APTX: variants seen among roughly 807,000 people sequenced by gnomAD.
The protein encoded by APTX is forkhead-associated domain histidine triad-like protein.
APTX carries 33 observed loss-of-function variants against 42.3 expected under a neutral mutation model. The ratio of observed to expected loss-of-function variants is 0.78; its 90% confidence interval spans 0.59 to 1.04. The LOEUF (loss-of-function observed/expected upper bound fraction) is 1.04, where lower values mean the gene tolerates loss of function less well. Among genes scored for constraint, APTX ranks in the 50% least tolerant of loss-of-function variants. APTX has a pLI of 0.00. For synonymous variants in APTX, 130 were observed against 146.7 expected (o/e 0.89, Z 0.82); for missense variants, 421 against 415.1 (o/e 1.01, Z -0.12).
chr9:33,001,503 G>A (rs1836490176), intron 1 of APTX, 64 bp downstream of exon 1: 1 of 1,610,832 alleles, frequency 6.2e-7, no homozygotes, highest in Non-Finnish European at 8.5e-7. Flanking sequence ...AGCAGCCTCG[G>A]CCGAACGCTC....
At position 32,987,602 on chromosome 9, in the gene APTX, C is replaced by A; in HGVS notation, c.425G>T (p.Ser142Ile). 1 of 1,614,184 alleles carries A rather than the reference C, an allele frequency of 6.2e-7. No individual in the cohort carries two copies. Among genetic ancestry groups the A allele is most frequent in the Non-Finnish European group, 8.5e-7 (1 of 1,180,030 alleles). The change falls in exon 4 of 8, where the codon AGC becomes ATC. Residue 142 changes from serine (S) to isoleucine (I), a missense_variant. Ser to Ile is a moderately radical substitution (Grantham distance 142, BLOSUM62 -2). Transcript: ENST00000379817. ...GGGCACAGAGCATTGGCCAGAGTTG[C>A]TCCCAGGTTCCAGCCCTGTCCCAGC... Reference protein sequence around the residue: ...AEAGTGLEPGSNSGQCSVPLK... With the variant: ...AEAGTGLEPGINSGQCSVPLK...
In APTX at chr9:32,987,541, C is replaced by T. The variant is rs1203729527; in HGVS notation, c.483+3G>A. On this transcript the variant is annotated splice_donor_region_variant and intron_variant, in intron 4 of 7. Transcript: ENST00000379817. ...CATCATCTACCAATCACACTACCCT[C>T]ACCTTTTTGATAGGTGCATCTTTTC... 1 of 1,613,620 alleles carries T rather than the reference C, an allele frequency of 6.2e-7. No homozygotes were observed. Among genetic ancestry groups the T allele is most frequent in the Admixed American group, 1.7e-5 (1 of 60,018 alleles).
At position 32,973,303 on chromosome 9, in the gene APTX, T is replaced by C. The variant is rs1247527334; in HGVS notation, c.*195A>G. ...CCACCCTCACCAGAGAATACATCTATGACAAACCCAAATTCCTAATCCTGA... is the reference window on the plus strand; with the variant it reads ...CCACCCTCACCAGAGAATACATCTACGACAAACCCAAATTCCTAATCCTGA... On this transcript the variant is annotated 3_prime_UTR_variant, in exon 8 of 8. Transcript: ENST00000379817. 7.0e-6 allele frequency: 5 copies of C among 713,406 alleles called. No individual in the cohort carries two copies. Among genetic ancestry groups the C allele is most frequent in the East Asian group, 2.8e-5 (1 of 35,190 alleles). The allele number at this position is 713,406 out of a possible 1,614,324, so 44.2% of individuals were successfully genotyped here. A position where few individuals can be genotyped will look rare whatever the true frequency, so the allele number is the denominator to read the frequency against.
intron 6 of APTX, among the ~76,000 whole-genome samples, chr9:32,981,574 C>A (rs1320480596): frequency 6.6e-6 from 1 of 152,136 alleles, no homozygotes; most frequent in Non-Finnish European, 1.5e-5. Flanking sequence ...AGAAGTGGTT[C>A]ATTCCAGATA....
chr9:32,983,632 T>A (rs1831212281), intron 6 of APTX, among the ~76,000 whole-genome samples: 1 of 152,054 alleles, frequency 6.6e-6, no homozygotes, highest in Admixed American at 6.6e-5. Context: ...AATGTGAGTG[T>A]TGGTAGTTAA....
chr9:32,985,883 A>G, intron 5 of APTX, 88 bp downstream of exon 5: 1 of 1,201,936 alleles, frequency 8.3e-7, no homozygotes, highest in South Asian at 1.2e-5. Context: ...AAAGACTGAT[A>G]TCCTTTGATT....
chr9:33,023,679 T>C (rs922297915), intron 1 of APTX, among the ~76,000 whole-genome samples: 1 of 152,188 alleles, frequency 6.6e-6, no homozygotes, highest in Non-Finnish European at 1.5e-5. Flanking sequence ...TGTCAGCCAA[T>C]GCAAAAGCAT....
chr9:33,015,802 C>A (rs1837857733), intron 1 of APTX: 1 of 152,152 alleles, frequency 6.6e-6, no homozygotes, highest in African/African-American at 2.4e-5. Context: ...ATAGGACACA[C>A]TGAAGTTGTT....
chr9:32,977,543 GA>G (rs144689035), intron 6 of APTX, among the ~76,000 whole-genome samples: 10,667 of 149,830 alleles, frequency 0.071, 508 homozygotes, highest in Non-Finnish European at 0.11. Flanking sequence ...AAATGGGGGG[GA>G]AAAAACCTGG....
chr9:33,000,394 AG>A (rs949758946), intron 1 of APTX, among the ~76,000 whole-genome samples: 9 of 152,286 alleles, frequency 5.9e-5, no homozygotes, highest in African/African-American at 1.9e-4. Context: ...TGGGAGGCCG[AG>A]GGGGGCGAAT....
chr9:32,991,009 C>CTCTG (rs1262186329), intron 1 of APTX, among the ~76,000 whole-genome samples: 2 of 152,132 alleles, frequency 1.3e-5, no homozygotes, highest in Non-Finnish European at 2.9e-5. Flanking sequence ...TCACTGCAAC[C>CTCTG]TCTGCCTCCT....
At chr9:33,005,909 T>C (rs1159833046), upstream of APTX, among the ~76,000 whole-genome samples, 1 of 152,254 alleles carries the variant, frequency 6.6e-6, no homozygotes, top group East Asian at 1.9e-4. Flanking sequence ...ACTTCTGGGA[T>C]TTCTATTGTA....
chr9:32,987,477 A>G (rs2118799287), intron 4 of APTX, 67 bp downstream of exon 4: 2 of 1,596,372 alleles, frequency 1.3e-6, no homozygotes. Context: ...TAAAGTGTAC[A>G]AAACAATTAA....
At position 32,989,854 on chromosome 9, in the gene APTX, C is replaced by T. The variant is rs373640152; in HGVS notation, c.38G>A (p.Arg13Gln). Residue 13 changes from arginine to glutamine, a missense_variant, in exon 2 of 8, where the codon CGG becomes CAG. By Grantham distance (43) the Arg-to-Gln change is conservative. Coordinates refer to ENST00000379817, the MANE Select transcript of APTX (RefSeq NM_001195248.2). ...RVCWLVRQDS[R>Q]HQRIRLPHLE... Reference sequence around the variant, plus strand: ...ATGTGGAAGTCTGATTCGCTGGTGCCGGCTGTCCTGTCTCACCAACCAGCA... The same window carrying T: ...ATGTGGAAGTCTGATTCGCTGGTGCTGGCTGTCCTGTCTCACCAACCAGCA... The T allele has an allele frequency of 3.1e-5, 50 of 1,614,092 alleles. No homozygotes were observed. The highest frequency in any genetic ancestry group is 5.3e-5 in the African/African-American group (4 of 74,910).
chr9:33,018,136 C>T (rs183629314), intron 1 of APTX, among the ~76,000 whole-genome samples: 4 of 145,444 alleles, frequency 2.8e-5, no homozygotes, highest in African/African-American at 7.5e-5. Context: ...TTTTTTGAGA[C>T]GACTCACTCT....
chr9:33,012,907 C>G (rs550176819), intron 1 of APTX, among the ~76,000 whole-genome samples: 3 of 152,302 alleles, frequency 2.0e-5, no homozygotes, highest in African/African-American at 7.2e-5. Flanking sequence ...GGTCAAGGCT[C>G]AACTTCCTAA....
chr9:32,984,565 C>G, intron 6 of APTX, 66 bp downstream of exon 6: 1 of 1,526,382 alleles, frequency 6.6e-7, no homozygotes, highest in Middle Eastern at 1.7e-4. Flanking sequence ...CTCAGCAAGC[C>G]CAGGCTGAAT....
rs576208275 is a variant in APTX at position 32,994,729 on chromosome 9, T to C, written c.-4-4834A>G. 7.9e-5 allele frequency among the ~76,000 whole-genome samples: 12 copies of C among 152,350 alleles called. No individual in the cohort carries two copies. In the South Asian group the frequency reaches 1.0e-3, roughly 13 times the overall value. Reference sequence around the variant, plus strand: ...TCTGTGATCAGTGATCTTTGATCTTTGATGCTACTGGAAGAAAATGCCATC... The same window carrying C: ...TCTGTGATCAGTGATCTTTGATCTTCGATGCTACTGGAAGAAAATGCCATC... On this transcript the variant is annotated intron_variant, in intron 1 of 7. Coordinates refer to ENST00000379817, the MANE Select transcript of APTX (RefSeq NM_001195248.2).
At chr9:32,983,397 G>A (rs1831158922) in intron 6 of APTX, among the ~76,000 whole-genome samples, 1 of 152,154 alleles carries the variant, frequency 6.6e-6, no homozygotes, top group African/African-American at 2.4e-5. Context: ...GGAACTTTCT[G>A]GGATGAAAGG....
Sources: gnomAD v4.1 joint callset for allele counts (sites outside exome capture counted in the v4.1 genomes callset) on GRCh38, gnomAD v4.1.1 for gene constraint, MANE v1.5 for transcripts, NCBI Gene and HGNC (gene_info 2026-07-23, HGNC 2026-07-21) for gene names.